The following ERICH1 variants were observed in gnomAD, a reference collection of about 807,000 sequenced individuals.
ERICH1 encodes the protein glutamate-rich protein 1.
ERICH1 carries 56 observed loss-of-function variants against 39.6 expected under a neutral mutation model. That is an observed-to-expected ratio of 1.41 (90% CI 1.14 to 1.77). The LOEUF (loss-of-function observed/expected upper bound fraction) is 1.77. Ranked by LOEUF, ERICH1 falls within the 40% of genes most tolerant of loss-of-function variation. The pLI, the probability that ERICH1 is intolerant of heterozygous loss-of-function variation, is 0.00. For missense variants in ERICH1, 826 were observed against 575.4 expected (o/e 1.44, Z -4.45); for synonymous variants, 313 against 223.6 (o/e 1.40, Z -3.57).
At chr8:726,021 C>G (rs1168201598) in intron 1 of ERICH1, 1 of 152,596 alleles carries the variant, frequency 6.6e-6, no homozygotes, top group Non-Finnish European at 1.5e-5. Flanking sequence ...TGAACACAGC[C>G]CCACTTCTCC....
rs150931903 is a variant in ERICH1 at position 721,498 on chromosome 8, A to G, written c.23-5491T>C. Among the ~76,000 whole-genome samples, 756 of 152,278 alleles carry G rather than the reference A, an allele frequency of 5.0e-3. 7 individuals are homozygous for G. Among genetic ancestry groups the G allele is most frequent in the African/African-American group, 0.017 (717 of 41,544 alleles). On this transcript the variant is annotated intron_variant, in intron 1 of 5. Transcript: ENST00000262109. The stretch of plus-strand genomic sequence containing the variant: ...CAAGCGCCGAGCGTGCGGCCCCCAC[A>G]CACCTGGCCCAGGCACTCAGGGCCT...
chr8:699,901 A>ACACGCGCACAGG (rs1811434441), intron 2 of ERICH1, among the ~76,000 whole-genome samples: 1 of 103,278 alleles, frequency 9.7e-6, no homozygotes, highest in African/African-American at 3.4e-5. Context: ...ACGCGCACAG[A>ACACGCGCACAGG]CCCGCACAGG....
intron 2 of ERICH1, among the ~76,000 whole-genome samples, chr8:708,829 G>A (rs938774899): frequency 4.0e-5 from 6 of 151,530 alleles, no homozygotes; most frequent in African/African-American, 9.7e-5. Flanking sequence ...GAGTAGCTGC[G>A]ATATAGGTGT....
chr8:706,772 A>G (rs755083867), intron 2 of ERICH1, among the ~76,000 whole-genome samples: 2 of 152,200 alleles, frequency 1.3e-5, no homozygotes, highest in Non-Finnish European at 2.9e-5. Context: ...CTCCATCTCA[A>G]AAACAACAAC....
intron 4 of ERICH1, among the ~76,000 whole-genome samples, chr8:670,328 T>C (rs1440104150): frequency 6.9e-6 from 1 of 144,966 alleles, no homozygotes; most frequent in East Asian, 1.9e-4. Context: ...GTGGCTCTAC[T>C]GCTCTTTTTT....
intron 3 of ERICH1, among the ~76,000 whole-genome samples, chr8:690,730 T>C (rs1808718498): frequency 6.6e-6 from 1 of 152,260 alleles, no homozygotes; most frequent in South Asian, 2.1e-4. Flanking sequence ...CCAGGGGGCC[T>C]GGTGCCAGGC....
At position 673,510 on chromosome 8, in the gene ERICH1, T is replaced by A; in HGVS notation, c.842A>T (p.Asp281Val). 1.2e-6 allele frequency: 2 copies of A among 1,613,100 alleles called. No homozygotes were observed. The highest frequency in any genetic ancestry group is 1.7e-6 in the Non-Finnish European group (2 of 1,179,660). The change falls in exon 4 of 6, where the codon GAC (aspartate) becomes GTC (valine). Residue 281 changes from aspartate to valine, a missense_variant. Coordinates refer to ENST00000262109, the MANE Select transcript of ERICH1 (RefSeq NM_207332.3). ...EEDGVDTIEEDLTRAGEEDGK... is the reference protein window; with the variant it reads ...EEDGVDTIEEVLTRAGEEDGK... ...GTCTTCCTCCCCGGCCCGTGTCAGG[T>A]CTTCCTCAATGGTGTCCACACCGTC...
At chr8:661,237 C>T (rs140601368), downstream of ERICH1, among the ~76,000 whole-genome samples, 591 of 152,200 alleles carry the variant, frequency 3.9e-3, no homozygotes, top group Non-Finnish European at 5.2e-3. Flanking sequence ...GGAGAGCGCT[C>T]GGGGCAAGAG....
At chr8:680,472 ACC>A (rs1805856290) in intron 3 of ERICH1, among the ~76,000 whole-genome samples, 1 of 141,048 alleles carries the variant, frequency 7.1e-6, no homozygotes. Context: ...CACAGCTGCC[ACC>A]CCTCCCCGAA....
At chr8:730,294 CCTCA>C (rs770668402) in intron 1 of ERICH1, among the ~76,000 whole-genome samples, 4 of 152,192 alleles carry the variant, frequency 2.6e-5, no homozygotes, top group South Asian at 2.1e-4. Flanking sequence ...CCACATTCTG[CCTCA>C]CTGAGAAATT....
intron 5 of ERICH1, among the ~76,000 whole-genome samples, chr8:664,878 A>G (rs921300855): frequency 6.6e-6 from 1 of 152,240 alleles, no homozygotes; most frequent in Non-Finnish European, 1.5e-5. Flanking sequence ...ATGGCAACAC[A>G]GTGGCTCAAT....
intron 3 of ERICH1, among the ~76,000 whole-genome samples, chr8:654,191 A>C (rs1460320945): frequency 2.6e-5 from 4 of 152,252 alleles, no homozygotes; most frequent in Non-Finnish European, 5.9e-5. Flanking sequence ...CAGTTCTTTC[A>C]ATCTAAATAA....
chr8:694,217 G>A (rs889551963), intron 2 of ERICH1, among the ~76,000 whole-genome samples: 6 of 152,078 alleles, frequency 3.9e-5, no homozygotes, highest in Non-Finnish European at 7.4e-5. Flanking sequence ...GTAGGGTGCC[G>A]GAATCCTAGT....
chr8:678,003 C>T (rs1703903), intron 3 of ERICH1, among the ~76,000 whole-genome samples: 33,769 of 152,138 alleles, frequency 0.22, 3,897 homozygotes, highest in Middle Eastern at 0.37. Context: ...TTGAGATCGA[C>T]TGCGCTATTG....
chr8:634,191 C>CA (rs889597437), intron 3 of ERICH1, among the ~76,000 whole-genome samples: 31 of 129,914 alleles, frequency 2.4e-4, no homozygotes, highest in African/African-American at 6.4e-4. Flanking sequence ...AAAAAACAAA[C>CA]AAAAAAAACC....
chr8:651,534 C>T (rs1274566973), intron 3 of ERICH1, among the ~76,000 whole-genome samples: 1 of 151,990 alleles, frequency 6.6e-6, no homozygotes, highest in African/African-American at 2.4e-5. Context: ...TCCCACTGCC[C>T]AAAGAAGAAC....
chr8:676,897 G>A (rs149645569), intron 3 of ERICH1, among the ~76,000 whole-genome samples: 128 of 152,360 alleles, frequency 8.4e-4, no homozygotes, highest in Non-Finnish European at 1.6e-3. Context: ...ATGAAACAAC[G>A]TGAGTGAAGT....
At chr8:710,250 G>A (rs1415232056) in intron 2 of ERICH1, among the ~76,000 whole-genome samples, 2 of 152,152 alleles carry the variant, frequency 1.3e-5, no homozygotes, top group East Asian at 3.8e-4. Flanking sequence ...TCACCGTCGT[G>A]CAAATCCTCT....
chr8:689,595 C>G (rs1808437499), intron 3 of ERICH1, among the ~76,000 whole-genome samples: 1 of 152,208 alleles, frequency 6.6e-6, no homozygotes, highest in Non-Finnish European at 1.5e-5. Context: ...CACTGTGTGC[C>G]ACTGGAAAAC....
Sources: allele counts gnomAD v4.1 joint callset (sites outside exome capture counted in the v4.1 genomes callset), GRCh38; gene constraint gnomAD v4.1.1; transcripts MANE v1.5; gene names NCBI Gene and HGNC (gene_info 2026-07-23, HGNC 2026-07-21).